GRIN2A: variants seen among roughly 807,000 people sequenced by gnomAD.
GRIN2A encodes glutamate ionotropic receptor NMDA type subunit 2A.
GRIN2A carries 22 observed loss-of-function variants against 113.4 expected under a neutral mutation model. The ratio of observed to expected loss-of-function variants is 0.19; its 90% CI spans 0.14 to 0.28. The LOEUF (loss-of-function observed/expected upper bound fraction) is 0.28, where lower values mean the gene tolerates loss of function less well. GRIN2A is among the 10% of genes least tolerant of loss of function. GRIN2A has a pLI of 1.00. For synonymous variants in GRIN2A, 827 were observed against 738.4 expected, an observed-to-expected ratio of 1.12 and a Z score of -1.94; for missense variants, 1,502 against 1,887.0, an observed-to-expected ratio of 0.80 and a Z score of 3.78.
At chr16:9,771,454 A>T (rs980818321) in intron 11 of GRIN2A, among the ~76,000 whole-genome samples, 1 of 152,108 alleles carries the variant, frequency 6.6e-6, no homozygotes, top group Non-Finnish European at 1.5e-5. Context: ...TTATCATAAT[A>T]TCCCATCCTT....
At chr16:9,877,110 A>C (rs1004387016) in intron 4 of GRIN2A, among the ~76,000 whole-genome samples, 1 of 152,162 alleles carries the variant, frequency 6.6e-6, no homozygotes, top group African/African-American at 2.4e-5. Flanking sequence ...CTAAATTTGA[A>C]TCCTTTCTCA....
intron 2 of GRIN2A, among the ~76,000 whole-genome samples, chr16:10,003,475 C>T (rs770873533): frequency 5.9e-5 from 9 of 152,162 alleles, no homozygotes; most frequent in South Asian, 2.1e-4. Context: ...AGAGAAAAAA[C>T]GAACAGAGAT....
At chr16:10,148,140 G>A (rs2049484130) in intron 2 of GRIN2A, among the ~76,000 whole-genome samples, 1 of 152,110 alleles carries the variant, frequency 6.6e-6, no homozygotes, top group Non-Finnish European at 1.5e-5. Context: ...CCCAGGAATT[G>A]GCAAACTACA....
chr16:10,111,420 G>T, intron 2 of GRIN2A: 1 of 536,338 alleles, frequency 1.9e-6, no homozygotes, highest in Non-Finnish European at 3.4e-6. Context: ...CCGGCTACGT[G>T]CCCCAGGACT....
intron 2 of GRIN2A, among the ~76,000 whole-genome samples, chr16:10,068,121 T>C (rs541668199): frequency 6.6e-6 from 1 of 152,346 alleles, no homozygotes; most frequent in African/African-American, 2.4e-5. Flanking sequence ...CTCCTTGTGG[T>C]CCTCTGCTTT....
intron 10 of GRIN2A, among the ~76,000 whole-genome samples, chr16:9,814,809 C>T (rs745972070): frequency 7.9e-5 from 12 of 152,050 alleles, no homozygotes; most frequent in East Asian, 1.9e-4. Flanking sequence ...CACCTGATGT[C>T]GGGAATTTGA....
chr16:10,092,468 CAA>C (rs1437322482), intron 2 of GRIN2A, among the ~76,000 whole-genome samples: 2 of 152,152 alleles, frequency 1.3e-5, no homozygotes, highest in African/African-American at 4.8e-5. Flanking sequence ...AGGGTGTCTT[CAA>C]GAGTTTGAAT....
At chr16:9,879,522 G>A (rs900957320) in intron 4 of GRIN2A, among the ~76,000 whole-genome samples, 10 of 152,026 alleles carry the variant, frequency 6.6e-5, no homozygotes, top group East Asian at 1.9e-4. Context: ...CAGATTCCGC[G>A]GCCACTATTC....
intron 4 of GRIN2A, 66 bp downstream of exon 4, chr16:9,890,920 T>C: frequency 1.0e-6 from 1 of 970,962 alleles, no homozygotes; most frequent in East Asian, 2.4e-5. Context: ...AAAGAAGCAC[T>C]GTGAGCCCCT....
intron 2 of GRIN2A, among the ~76,000 whole-genome samples, chr16:10,042,108 C>T (rs938877885): frequency 6.6e-6 from 1 of 152,084 alleles, no homozygotes; most frequent in Non-Finnish European, 1.5e-5. Context: ...AGCACTCCAC[C>T]CCCTGACCAC....
chr16:9,968,347 C>T (rs1368945460), intron 2 of GRIN2A, among the ~76,000 whole-genome samples: 4 of 152,110 alleles, frequency 2.6e-5, no homozygotes, highest in African/African-American at 7.2e-5. Context: ...GAGTTTCGCT[C>T]TTATTACCCA....
intron 2 of GRIN2A, among the ~76,000 whole-genome samples, chr16:9,966,602 A>G (rs1260309620): frequency 6.6e-6 from 1 of 152,208 alleles, no homozygotes. Flanking sequence ...CCGTGTCCTT[A>G]TAATAGAACG....
intron 7 of GRIN2A, among the ~76,000 whole-genome samples, chr16:9,836,338 C>T (rs899807708): frequency 1.3e-5 from 2 of 152,160 alleles, no homozygotes; most frequent in Non-Finnish European, 1.5e-5. Flanking sequence ...CTGAAAAGGG[C>T]GTGCTGGTTT....
intron 2 of GRIN2A, among the ~76,000 whole-genome samples, chr16:10,079,408 C>T (rs533517953): frequency 7.3e-4 from 111 of 152,224 alleles, no homozygotes; most frequent in Admixed American, 7.1e-3. Flanking sequence ...CAGAGGAAAA[C>T]GCTAAGCCCA....
chr16:10,120,852 G>A (rs760122330), intron 2 of GRIN2A, among the ~76,000 whole-genome samples: 6 of 151,758 alleles, frequency 4.0e-5, no homozygotes, highest in Non-Finnish European at 8.8e-5. Flanking sequence ...CTGCCCCATG[G>A]TCCCCTATTT....
chr16:9,952,202 G>C (rs968230817), intron 2 of GRIN2A, among the ~76,000 whole-genome samples: 1 of 152,158 alleles, frequency 6.6e-6, no homozygotes, highest in Non-Finnish European at 1.5e-5. Context: ...CCAGTAGTGA[G>C]AGTTGTGGCC....
chr16:9,804,944 C>G (rs1224002941), intron 10 of GRIN2A, among the ~76,000 whole-genome samples: 2 of 152,226 alleles, frequency 1.3e-5, no homozygotes, highest in African/African-American at 4.8e-5. Flanking sequence ...GGACGGATGT[C>G]ACATGTGCCC....
At position 9,984,238 on chromosome 16, in the gene GRIN2A, T is replaced by C. The variant is rs1596387852; in HGVS notation, c.415-45687A>G. Among the ~76,000 whole-genome samples, 3 of 152,108 alleles carry C rather than the reference T, an allele frequency of 2.0e-5. No individual in the cohort carries two copies. In the East Asian group the frequency reaches 5.8e-4, roughly 29 times the overall value. On this transcript the variant is annotated intron_variant, in intron 2 of 12. Transcript: ENST00000330684. ...GCCCATTTTTAATCGGATTTTTTTT[T>C]TGCTGTTGAGTTCCTTGTATATTCT...
In GRIN2A at chr16:9,938,340, G is replaced by A. The variant is rs774932381; in HGVS notation, c.626C>T (p.Ser209Phe). 3 of 1,613,976 alleles carry A rather than the reference G, an allele frequency of 1.9e-6. No individual in the cohort carries two copies. The highest frequency in any genetic ancestry group is 2.5e-6 in the Non-Finnish European group (3 of 1,179,872). The stretch of plus-strand genomic sequence containing the variant: ...GACTTGTGTCTTTGCATCCTCAAAG[G>A]AAGTGTCCAGTGTGATCACATTCTG... ...DMQNVITLDTSFEDAKTQVQL... is the reference protein window; with the variant it reads ...DMQNVITLDTFFEDAKTQVQL... The change falls in exon 3 of 13, where the codon TCC (serine) becomes TTC (phenylalanine). Residue 209 changes from serine to phenylalanine, a missense_variant. Coordinates refer to ENST00000330684, the MANE Select transcript of GRIN2A (RefSeq NM_001134407.3).
Sources: gnomAD v4.1 joint callset for allele counts (sites outside exome capture counted in the v4.1 genomes callset) on GRCh38, gnomAD v4.1.1 for gene constraint, MANE v1.5 for transcripts, NCBI Gene and HGNC (gene_info 2026-07-23, HGNC 2026-07-21) for gene names.